The following ZNF469 variants were observed in gnomAD, a reference collection of about 807,000 sequenced individuals.
ZNF469 encodes zinc finger protein 469.
ZNF469 carries 1 observed loss-of-function variant against 1.0 expected under a neutral mutation model. The ratio of observed to expected loss-of-function variants is 1.00; its 90% CI spans 0.35 to 4.73. The LOEUF is 4.73. Ranked by LOEUF, ZNF469 falls within the 30% of genes most tolerant of loss-of-function variation. The pLI is 0.16. For missense variants in ZNF469, 6,100 were observed against 5,356.3 expected (o/e 1.14, Z -4.33); for synonymous variants, 2,703 against 2,363.4 (o/e 1.14, Z -4.17).
the ZNF469 span, among the ~76,000 whole-genome samples, chr16:88,236,718 T>C: frequency 6.6e-6 from 1 of 152,066 alleles, no homozygotes; most frequent in Non-Finnish European, 1.5e-5. Context: ...AATACAAAAA[T>C]TAGCCGGGCG....
chr16:88,404,277 G>A (rs752278665), intron 1 of ZNF469, among the ~76,000 whole-genome samples: 11 of 152,194 alleles, frequency 7.2e-5, no homozygotes, highest in Admixed American at 2.0e-4. Flanking sequence ...TTTTACAAGC[G>A]GATTCTAGAT....
the ZNF469 span, among the ~76,000 whole-genome samples, chr16:88,373,985 G>A: frequency 5.9e-3 from 901 of 151,566 alleles, 10 homozygotes; most frequent in African/African-American, 0.02. Context: ...GGGCAACAGA[G>A]TGAGACTTTG....
At chr16:88,229,448 C>T in the ZNF469 span, among the ~76,000 whole-genome samples, 47 of 152,348 alleles carry the variant, frequency 3.1e-4, no homozygotes, top group South Asian at 2.1e-4. Flanking sequence ...GCTTGTTTTC[C>T]GTTCCTGCCA....
At chr16:88,121,725 G>T in the ZNF469 span, among the ~76,000 whole-genome samples, 86 of 152,282 alleles carry the variant, frequency 5.6e-4, no homozygotes, top group Admixed American at 1.5e-3. Flanking sequence ...ATCCTAAATT[G>T]GCCAGGAGGT....
chr16:88,198,399 C>T, the ZNF469 span, among the ~76,000 whole-genome samples: 1 of 152,144 alleles, frequency 6.6e-6, no homozygotes. Context: ...GGGGGCTGGG[C>T]AGAGGCTATT....
At chr16:88,116,093 C>T in the ZNF469 span, among the ~76,000 whole-genome samples, 2 of 152,198 alleles carry the variant, frequency 1.3e-5, no homozygotes, top group African/African-American at 4.8e-5. Flanking sequence ...GACTAGAGCC[C>T]TGGGGTCCAG....
chr16:88,185,418 T>C, the ZNF469 span, among the ~76,000 whole-genome samples: 1 of 152,168 alleles, frequency 6.6e-6, no homozygotes, highest in East Asian at 1.9e-4. Context: ...TATACTCACA[T>C]GAATACAATA....
chr16:88,388,136 G>T lies in ZNF469; in HGVS notation c.-192+4882G>T, dbSNP rs1393240913. 2.6e-5 allele frequency among the ~76,000 whole-genome samples: 4 copies of T among 152,244 alleles called. No homozygotes were observed. In the East Asian group the frequency reaches 7.7e-4, roughly 29 times the overall value. On this transcript the variant is annotated intron_variant, in intron 1 of 2. Transcript: ENST00000565624. ...CGAGCAGGCGCGAGGGTGTGGATAG[G>T]CAGGTGAGTGGAGGGATGAGTGAGC... is the stretch of plus-strand genomic sequence containing the variant.
At chr16:88,311,618 G>A in the ZNF469 span, among the ~76,000 whole-genome samples, 1 of 152,166 alleles carries the variant, frequency 6.6e-6, no homozygotes, top group Non-Finnish European at 1.5e-5. Context: ...AACTTACTGT[G>A]CTGGGCTCCA....
rs1211757427 is a variant in ZNF469 at position 88,438,557 on chromosome 16, C to T, written c.11087C>T (p.Pro3696Leu). 1.9e-6 allele frequency: 3 copies of T among 1,550,168 alleles called. No homozygotes were observed. Among genetic ancestry groups the T allele is most frequent in the Non-Finnish European group, 2.6e-6 (3 of 1,146,962 alleles). Reference sequence around the variant, plus strand: ...ACCCCCAGCAAAGCACTCAAGTTCCCAGTGCACCCAAGGAAGGCGGTGGGG... The same window carrying T: ...ACCCCCAGCAAAGCACTCAAGTTCCTAGTGCACCCAAGGAAGGCGGTGGGG... The part of the protein sequence containing the change: ...ASTPSKALKF[P>L]VHPRKAVGSL... The change falls in exon 3 of 3, where the codon CCA becomes CTA. Residue 3696 changes from proline to leucine, a missense_variant. Transcript: ENST00000565624.
the ZNF469 span, among the ~76,000 whole-genome samples, chr16:88,217,438 C>CT: frequency 2.6e-4 from 39 of 151,492 alleles, no homozygotes; most frequent in Admixed American, 2.1e-3. Flanking sequence ...GTTGAAATTT[C>CT]TTTTTTTTTA....
At chr16:88,224,334 C>A in the ZNF469 span, among the ~76,000 whole-genome samples, 1 of 152,232 alleles carries the variant, frequency 6.6e-6, no homozygotes, top group Non-Finnish European at 1.5e-5. Flanking sequence ...CAGGACACAG[C>A]ACCGCGGGGC....
At chr16:88,206,387 T>C in the ZNF469 span, among the ~76,000 whole-genome samples, 1 of 152,076 alleles carries the variant, frequency 6.6e-6, no homozygotes, top group Admixed American at 6.5e-5. Flanking sequence ...ATTCATTGCA[T>C]TGATTTATTT....
the ZNF469 span, among the ~76,000 whole-genome samples, chr16:88,305,837 CCA>C: frequency 2.0e-5 from 3 of 152,116 alleles, no homozygotes; most frequent in Non-Finnish European, 2.9e-5. Context: ...ATGCACATGC[CCA>C]GACACAGATG....
chr16:88,329,242 G>T, the ZNF469 span, among the ~76,000 whole-genome samples: 78 of 152,188 alleles, frequency 5.1e-4, no homozygotes, highest in African/African-American at 1.8e-3. Context: ...TCCAGGGAGG[G>T]AGCCCAGCCA....
the ZNF469 span, among the ~76,000 whole-genome samples, chr16:88,312,181 T>C: frequency 6.6e-6 from 1 of 152,300 alleles, no homozygotes; most frequent in African/African-American, 2.4e-5. Context: ...ACCACCCCCA[T>C]GATTCAATTA....
At chr16:88,289,502 G>A in the ZNF469 span, among the ~76,000 whole-genome samples, 11 of 151,976 alleles carry the variant, frequency 7.2e-5, no homozygotes, top group African/African-American at 2.4e-5. Flanking sequence ...GTTATTGAGT[G>A]TTTGTTCTCT....
At chr16:88,157,006 A>G in the ZNF469 span, among the ~76,000 whole-genome samples, 387 of 152,340 alleles carry the variant, frequency 2.5e-3, 1 homozygote, top group African/African-American at 8.8e-3. Context: ...CAGCCCCAAC[A>G]GTCATCTCTA....
chr16:88,297,911 T>C, the ZNF469 span, among the ~76,000 whole-genome samples: 18 of 152,104 alleles, frequency 1.2e-4, no homozygotes, highest in Admixed American at 1.2e-3. Flanking sequence ...TCCCCAGGAG[T>C]CCCTGGGAGG....
Sources: allele counts gnomAD v4.1 joint callset (sites outside exome capture counted in the v4.1 genomes callset), GRCh38; gene constraint gnomAD v4.1.1; transcripts MANE v1.5; gene names NCBI Gene and HGNC (gene_info 2026-07-23, HGNC 2026-07-21).